Variants in XKR9 observed in about 807,000 individuals in gnomAD.
The protein encoded by XKR9 is XK-related protein 9.
XKR9 carries 32 observed loss-of-function variants against 32.0 expected under a neutral mutation model. That is an observed-to-expected ratio of 1.00 (90% CI 0.76 to 1.34). The LOEUF (loss-of-function observed/expected upper bound fraction) is 1.34, where lower values mean the gene tolerates loss of function less well. Ranked by LOEUF, XKR9 falls within the 40% of genes most tolerant of loss-of-function variation. The probability of loss-of-function intolerance (pLI) is 0.00; values close to 1 mark genes in which losing one functional copy is unlikely to be tolerated. For synonymous variants in XKR9, 168 were observed against 143.4 expected (o/e 1.17, Z -1.22); for missense variants, 546 against 429.7 (o/e 1.27, Z -2.39).
the XKR9 span, among the ~76,000 whole-genome samples, chr8:70,977,362 C>A: frequency 6.6e-6 from 1 of 152,082 alleles, no homozygotes; most frequent in Non-Finnish European, 1.5e-5. Flanking sequence ...TTCCTGTTTT[C>A]TCTTGCATTT....
the XKR9 span, among the ~76,000 whole-genome samples, chr8:70,886,438 G>C: frequency 6.6e-6 from 1 of 152,062 alleles, no homozygotes; most frequent in Non-Finnish European, 1.5e-5. Flanking sequence ...TGGTATTTCT[G>C]GTTCTATATC....
At chr8:71,034,324 C>T in the XKR9 span, among the ~76,000 whole-genome samples, 2 of 152,148 alleles carry the variant, frequency 1.3e-5, no homozygotes, top group Non-Finnish European at 2.9e-5. Context: ...ACTTCTCTCT[C>T]CTACCCCCAT....
the XKR9 span, among the ~76,000 whole-genome samples, chr8:70,917,065 G>A: frequency 1.3e-5 from 2 of 151,990 alleles, no homozygotes; most frequent in Non-Finnish European, 2.9e-5. Context: ...GAACTGACTG[G>A]TTCTCTTCTC....
At chr8:70,741,862 A>G (rs1806990278) in intron 2 of XKR9, among the ~76,000 whole-genome samples, 1 of 152,026 alleles carries the variant, frequency 6.6e-6, no homozygotes, top group African/African-American at 2.4e-5. Flanking sequence ...ATTTTGAGGA[A>G]CCTTTATACT....
the XKR9 span, among the ~76,000 whole-genome samples, chr8:70,963,052 C>T: frequency 6.6e-6 from 1 of 152,104 alleles, no homozygotes; most frequent in Non-Finnish European, 1.5e-5. Context: ...TGGTGGTTTG[C>T]TGCACAGATC....
downstream of XKR9, among the ~76,000 whole-genome samples, chr8:70,740,049 A>G (rs955386108): frequency 3.9e-5 from 6 of 152,206 alleles, no homozygotes; most frequent in African/African-American, 1.4e-4. Context: ...CCTGGATAAT[A>G]TCCTGCAGAG....
At chr8:70,966,886 T>C in the XKR9 span, among the ~76,000 whole-genome samples, 1 of 152,116 alleles carries the variant, frequency 6.6e-6, no homozygotes, top group Non-Finnish European at 1.5e-5. Flanking sequence ...CCCTTCTTTG[T>C]CTTTTTTGAT....
intron 4 of XKR9, among the ~76,000 whole-genome samples, chr8:70,717,667 A>C (rs996834984): frequency 2.0e-5 from 3 of 152,156 alleles, no homozygotes; most frequent in African/African-American, 7.2e-5. Context: ...TCTGTGATAG[A>C]AGGGGCTGCA....
At chr8:70,760,874 C>T (rs1015231409) in intron 2 of XKR9, among the ~76,000 whole-genome samples, 2 of 152,140 alleles carry the variant, frequency 1.3e-5, no homozygotes, top group Admixed American at 1.3e-4. Context: ...CCACCCTCTG[C>T]CTTCTGGTAG....
chr8:70,832,355 G>T, the XKR9 span, among the ~76,000 whole-genome samples: 1 of 152,268 alleles, frequency 6.6e-6, no homozygotes, highest in African/African-American at 2.4e-5. Context: ...AAAGAAAAGA[G>T]AAATGGAAAG....
At chr8:70,980,704 A>C in the XKR9 span, among the ~76,000 whole-genome samples, 1 of 152,116 alleles carries the variant, frequency 6.6e-6, no homozygotes, top group Non-Finnish European at 1.5e-5. Context: ...TTTCTTTTCC[A>C]TTATGTTCTT....
intron 3 of XKR9, 113 bp downstream of exon 3, chr8:70,681,443 C>A: frequency 4.6e-6 from 6 of 1,299,602 alleles, no homozygotes; most frequent in South Asian, 4.5e-5. Context: ...TTGCATGAAG[C>A]ACAAAGGTTA....
the XKR9 span, among the ~76,000 whole-genome samples, chr8:70,819,396 CAT>C: frequency 6.6e-6 from 1 of 152,180 alleles, no homozygotes; most frequent in Non-Finnish European, 1.5e-5. Flanking sequence ...ATGTTACTAA[CAT>C]ATAAAAATTT....
intron 2 of XKR9, among the ~76,000 whole-genome samples, chr8:70,779,214 C>T (rs942842844): frequency 6.6e-6 from 1 of 151,792 alleles, no homozygotes; most frequent in Non-Finnish European, 1.5e-5. Flanking sequence ...TAGATAATCA[C>T]GTGGTTTTTT....
chr8:70,876,328 T>G, the XKR9 span, among the ~76,000 whole-genome samples: 1 of 151,142 alleles, frequency 6.6e-6, no homozygotes, highest in Non-Finnish European at 1.5e-5. Flanking sequence ...TTCAAGCAAT[T>G]CTCCTCCTGA....
chr8:70,952,994 C>T, the XKR9 span, among the ~76,000 whole-genome samples: 1 of 152,202 alleles, frequency 6.6e-6, no homozygotes, highest in South Asian at 2.1e-4. Flanking sequence ...GTTCAGTTGT[C>T]AAGTTCGCAC....
downstream of XKR9, among the ~76,000 whole-genome samples, chr8:70,736,280 CTGTTCA>C (rs1262210251): frequency 6.6e-6 from 1 of 151,700 alleles, no homozygotes; most frequent in Non-Finnish European, 1.5e-5. Context: ...TGAGAAGTGT[CTGTTCA>C]TGTCCTTCGC....
the XKR9 span, among the ~76,000 whole-genome samples, chr8:70,918,470 T>G: frequency 6.6e-6 from 1 of 152,132 alleles, no homozygotes; most frequent in Admixed American, 6.5e-5. Context: ...AAAATCTAGT[T>G]TCTGGACTGA....
intron 3 of XKR9, among the ~76,000 whole-genome samples, chr8:70,700,947 C>G (rs1042868585): frequency 2.0e-5 from 3 of 152,194 alleles, no homozygotes; most frequent in African/African-American, 7.2e-5. Flanking sequence ...GACTGCTGTG[C>G]TAGCAATCAG....
Sources: allele counts gnomAD v4.1 joint callset (sites outside exome capture counted in the v4.1 genomes callset), GRCh38; gene constraint gnomAD v4.1.1; transcripts MANE v1.5; gene names NCBI Gene and HGNC (gene_info 2026-07-23, HGNC 2026-07-21).